SIRT6: variants seen among roughly 807,000 people sequenced by gnomAD.
SIRT6 encodes sirtuin 6, also known as NAD-dependent protein deacylase sirtuin-6.
In SIRT6, 21 loss-of-function variants were observed where a neutral mutation model predicts 33.6. That is an observed-to-expected ratio of 0.62 (90% CI 0.44 to 0.90). The LOEUF is 0.90. Ranked by LOEUF, SIRT6 falls within the 40% of genes least tolerant of loss-of-function variation. The probability of loss-of-function intolerance (pLI) is 0.00; values close to 1 mark genes in which losing one functional copy is unlikely to be tolerated. For missense variants in SIRT6, 504 were observed against 510.6 expected, an observed-to-expected ratio of 0.99 and a Z score of 0.12; for synonymous variants, 221 against 223.9, an observed-to-expected ratio of 0.99 and a Z score of 0.12.
intron 2 of SIRT6, chr19:4,179,537 GGAGA>G (rs1967503690): frequency 3.7e-6 from 2 of 535,110 alleles, no homozygotes; most frequent in Admixed American, 7.3e-5. Flanking sequence ...AGACAGAATT[GGAGA>G]GAGACAGAGA....
chr19:4,180,086 G>A (rs1488797221), intron 2 of SIRT6, among the ~76,000 whole-genome samples: 4 of 135,606 alleles, frequency 2.9e-5, no homozygotes, highest in African/African-American at 8.4e-5. Context: ...AGAAATTCAC[G>A]CCTTGGCTTT....
Position 4,182,541 on chromosome 19 carries a change from C to T in SIRT6, c.-2G>A. ...CCCCGCCGCGTAATTCACCGACATC[C>T]TCGACTGCCCCACGGGAACAATAAA... On this transcript the variant is annotated 5_prime_UTR_variant, in exon 1 of 8. Coordinates refer to ENST00000337491, the MANE Select transcript of SIRT6 (RefSeq NM_016539.4). The T allele has an allele frequency of 6.2e-7, 1 of 1,610,420 alleles. No individual in the cohort carries two copies. The highest frequency in any genetic ancestry group is 1.1e-5 in the South Asian group (1 of 90,516).
rs201006797 is a variant in SIRT6, at chr19:4,174,959, G to A, written c.739-13C>T. The A allele has an allele frequency of 1.4e-5, 22 of 1,609,692 alleles. No homozygotes were observed. In the East Asian group the frequency reaches 2.9e-4, roughly 21 times the overall value. On this transcript the variant is annotated splice_polypyrimidine_tract_variant and intron_variant, in intron 7 of 7. Transcript: ENST00000337491. This position sits in a 1 kb window ranked among gnomAD's most constrained non-coding sequence, Gnocchi z 4.2. ...CAGCATGGCGGTCCTGCCGAGGGGC[G>A]GGACGGGTCAGGCGTGGGGGACAGA...
Position 4,182,534 on chromosome 19 carries a change from C to T in SIRT6, c.6G>A (p.Ser2=), listed in dbSNP as rs1223057342. 3 of 1,610,654 alleles carry T rather than the reference C, an allele frequency of 1.9e-6. No homozygotes were observed. The Admixed American group carries it at 5.0e-5, about 27-fold the overall frequency. ...GCGACAGCCCCGCCGCGTAATTCAC[C>T]GACATCCTCGACTGCCCCACGGGAA... M[S]VNYAAGLSPY... is the part of the protein sequence containing the mutation. Residue 2 remains serine (S), a synonymous_variant, in exon 1 of 8, where the codon TCG becomes TCA. Transcript: ENST00000337491.
chr19:4,182,450 C>T, intron 1 of SIRT6, 24 bp downstream of exon 1: 2 of 1,603,020 alleles, frequency 1.2e-6, no homozygotes, highest in Non-Finnish European at 1.7e-6. Context: ...GGGCGCGATG[C>T]TCGGGACCCT....
chr19:4,176,962 T>TC (rs1256207377), intron 4 of SIRT6, 117 bp downstream of exon 4: 2 of 511,230 alleles, frequency 3.9e-6, no homozygotes, highest in Admixed American at 4.1e-5. Flanking sequence ...CGCCCCCAGA[T>TC]CCCCCCAGGA....
chr19:4,180,630 C>T, intron 2 of SIRT6, 152 bp downstream of exon 2: 1 of 960,010 alleles, frequency 1.0e-6, no homozygotes, highest in Non-Finnish European at 1.5e-6. Context: ...CCACCATGCC[C>T]AGCCAAGGGA....
rs1271146854 is a variant in SIRT6 at position 4,174,524 on chromosome 19, T to TC, written c.*92dup. 8.3e-6 allele frequency: 10 copies of TC among 1,198,086 alleles called. No homozygotes were observed. The African/African-American group carries it at 1.1e-4, about 13-fold the overall frequency. The allele number at this position is 1,198,086 out of a possible 1,614,324, so 74.2% of individuals were successfully genotyped here. A position where few individuals can be genotyped will look rare whatever the true frequency, so the allele number is the denominator to read the frequency against. On this transcript the variant is annotated 3_prime_UTR_variant, in exon 8 of 8. Coordinates refer to ENST00000337491, the MANE Select transcript of SIRT6 (RefSeq NM_016539.4). This position sits in a 1 kb window ranked among gnomAD's most constrained non-coding sequence, Gnocchi z 4.2. ...AGCACAGCTCTCAGAGCCCTGAGGC[T>TC]CCCGGGGACAGAAACAAGTAACAAA...
In SIRT6 at chr19:4,177,791, C is replaced by T. The variant is rs539407716; in HGVS notation, c.378-653G>A. Among the ~76,000 whole-genome samples, 13 of 152,048 alleles carry T rather than the reference C, an allele frequency of 8.5e-5. No homozygotes were observed. In the South Asian group the frequency reaches 2.3e-3, roughly 27 times the overall value. On this transcript the variant is annotated intron_variant, in intron 3 of 7. Transcript: ENST00000337491. Reference sequence around the variant, plus strand: ...ATTTTTAGTAGAGACAGGGTTTCACCGTGTTAGCCAGGATGGTCTCGATCT... The same window carrying T: ...ATTTTTAGTAGAGACAGGGTTTCACTGTGTTAGCCAGGATGGTCTCGATCT...
At chr19:4,179,542 G>A (rs1024762875) in intron 2 of SIRT6, 5 of 528,026 alleles carry the variant, frequency 9.5e-6, no homozygotes, top group Non-Finnish European at 1.7e-5. Flanking sequence ...GAATTGGAGA[G>A]AGACAGAGAG....
At chr19:4,175,604 ATGC>A in intron 6 of SIRT6, 73 bp downstream of exon 6, 1 of 1,364,260 alleles carries the variant, frequency 7.3e-7, no homozygotes, top group South Asian at 1.5e-5. Context: ...CCACTGTCCC[ATGC>A]TGGAGCTGGC....
At chr19:4,175,516 T>C in intron 6 of SIRT6, 164 bp downstream of exon 6, 1 of 663,430 alleles carries the variant, frequency 1.5e-6, no homozygotes, top group South Asian at 2.0e-5. Flanking sequence ...GTGACGAGTG[T>C]GTGTGAGTGC....
chr19:4,180,306 C>T (rs1055071751), intron 2 of SIRT6, among the ~76,000 whole-genome samples: 1 of 151,958 alleles, frequency 6.6e-6, no homozygotes, highest in Non-Finnish European at 1.5e-5. Context: ...TTCCCAGCAA[C>T]CCTTGCAGCC....
In SIRT6 at chr19:4,174,824, T is replaced by G. The variant is rs1450510835; in HGVS notation, c.861A>C (p.Pro287=). 5.4e-5 allele frequency: 84 copies of G among 1,553,636 alleles called. No homozygotes were observed. Among genetic ancestry groups the G allele is most frequent in the Non-Finnish European group, 6.5e-5 (75 of 1,156,290 alleles). Residue 287 remains proline, a synonymous_variant, in exon 8 of 8, where the codon CCA becomes CCC. Coordinates refer to ENST00000337491, the MANE Select transcript of SIRT6 (RefSeq NM_016539.4). The surrounding 1 kb of genome is among the most constrained non-coding windows in gnomAD (Gnocchi z 4.2). ...DGPRVLERAL[P]PLPRPPTPKL... The stretch of plus-strand genomic sequence containing the variant: ...TGGGGGTGGGCGGGCGGGGCAGGGG[T>G]GGCAGCGCCCTCTCCAGCACACGGG...
intron 3 of SIRT6, 43 bp from the exon 4 acceptor site, chr19:4,177,181 C>T (rs1443148506): frequency 1.2e-6 from 2 of 1,603,712 alleles, no homozygotes; most frequent in South Asian, 1.1e-5. Context: ...GGAAAGGATC[C>T]CTGGATGCCC....
chr19:4,181,450 G>C (rs964251633), intron 1 of SIRT6, among the ~76,000 whole-genome samples: 1 of 152,310 alleles, frequency 6.6e-6, no homozygotes, highest in Middle Eastern at 3.4e-3. Flanking sequence ...TACCTAGAAA[G>C]TGCCTGAGCT....
Position 4,174,419 on chromosome 19 carries a change from T to G in SIRT6, c.*198A>C. The G allele has an allele frequency of 2.2e-6, 1 of 460,140 alleles. No individual in the cohort carries two copies. The allele number at this position is 460,140 out of a possible 1,614,324, so 28.5% of individuals were successfully genotyped here. On this transcript the variant is annotated 3_prime_UTR_variant, in exon 8 of 8. Transcript: ENST00000337491. This position sits in a 1 kb window ranked among gnomAD's most constrained non-coding sequence, Gnocchi z 4.2. ...GGGCTCACCTGTCACCTCTGGGGTG[T>G]GGCTTCTTCCCGGAACCGCACCAGA... is the stretch of plus-strand genomic sequence containing the variant.
chr19:4,181,930 AC>A (rs1967700871), intron 1 of SIRT6, among the ~76,000 whole-genome samples: 1 of 152,102 alleles, frequency 6.6e-6, no homozygotes. Context: ...GGCCATCTTC[AC>A]CTCGTTTGCA....
rs200364417 is a variant in SIRT6, at chr19:4,175,930, C to G, written c.445G>C (p.Val149Leu). 1.3e-6 allele frequency: 2 copies of G among 1,565,696 alleles called. No homozygotes were observed. The highest frequency in any genetic ancestry group is 4.7e-5 in the East Asian group (2 of 42,660). ...EECAKCKTQY[V>L]RDTVVGTMGL... The stretch of plus-strand genomic sequence containing the variant: ...ATGGTGCCCACGACTGTGTCTCGGA[C>G]GTACTGCCTGTGTCAGGGAGGAAGG... Residue 149 changes from valine (V) to leucine (L), a missense_variant, in exon 5 of 8, where the codon GTC becomes CTC. Transcript: ENST00000337491.
Sources: allele counts gnomAD v4.1 joint callset (sites outside exome capture counted in the v4.1 genomes callset), GRCh38; gene constraint gnomAD v4.1.1; non-coding constraint Gnocchi (gnomAD v3.1); transcripts MANE v1.5; gene names NCBI Gene and HGNC (gene_info 2026-07-23, HGNC 2026-07-21).